Variants in ROR1 observed in about 807,000 individuals in gnomAD.
The protein encoded by ROR1 is inactive tyrosine-protein kinase transmembrane receptor ROR1.
Under a neutral mutation model 78.8 loss-of-function variants are expected in ROR1, and 19 were observed. That is an observed-to-expected ratio of 0.24 (90% CI 0.17 to 0.35). The LOEUF is 0.35. Ranked by LOEUF, ROR1 falls within the 10% of genes least tolerant of loss-of-function variation. ROR1 has a pLI of 1.00. For missense variants in ROR1, 917 were observed against 1,177.8 expected (o/e 0.78, Z 3.24); for synonymous variants, 386 against 433.6 (o/e 0.89, Z 1.36).
chr1:63,774,258 C>A lies in ROR1; in HGVS notation c.-160C>A. 2 of 312,488 alleles carry A rather than the reference C, an allele frequency of 6.4e-6. No homozygotes were observed. The highest frequency in any genetic ancestry group is 1.1e-3 in the Middle Eastern group (1 of 946). 19.4% of individuals were successfully genotyped at this position (312,488 alleles called of 1,614,324 possible). A position where few individuals can be genotyped will look rare whatever the true frequency, so the allele number is the denominator to read the frequency against. On this transcript the variant is annotated 5_prime_UTR_variant, in exon 1 of 9. Transcript: ENST00000371079. This position sits in a 1 kb window ranked among gnomAD's most constrained non-coding sequence, Gnocchi z 5.7. ...GCATCCAGAGGCGGCCAGGCGGAGG[C>A]GAGGGAGCAGGTTAGAGGGACAAAG...
At chr1:63,866,992 A>G (rs1428376316) in intron 1 of ROR1, among the ~76,000 whole-genome samples, 1 of 152,248 alleles carries the variant, frequency 6.6e-6, no homozygotes, top group African/African-American at 2.4e-5. Context: ...AGGCATAGTG[A>G]AAACCATTAT....
chr1:64,109,790 A>G (rs1648007477), intron 4 of ROR1, among the ~76,000 whole-genome samples: 1 of 152,094 alleles, frequency 6.6e-6, no homozygotes, highest in South Asian at 2.1e-4. Flanking sequence ...TGCCTTCCAA[A>G]GTGCTGGGAT....
chr1:63,933,276 C>T (rs549007899), intron 1 of ROR1, among the ~76,000 whole-genome samples: 22 of 152,220 alleles, frequency 1.4e-4, no homozygotes, highest in African/African-American at 3.4e-4. Flanking sequence ...TTTCACAGTG[C>T]GTTTCATTTC....
chr1:63,778,360 G>A (rs1176495585), intron 1 of ROR1, among the ~76,000 whole-genome samples: 2 of 152,162 alleles, frequency 1.3e-5, no homozygotes, highest in East Asian at 3.8e-4. Flanking sequence ...ACCTCTGAAC[G>A]ATAGGAACTG....
At chr1:63,776,167 T>G (rs1193236785) in intron 1 of ROR1, among the ~76,000 whole-genome samples, 2 of 152,232 alleles carry the variant, frequency 1.3e-5, no homozygotes, top group Admixed American at 6.5e-5. Context: ...ACTCCTTTAC[T>G]TTGTACTTCA....
intron 1 of ROR1, among the ~76,000 whole-genome samples, chr1:63,805,548 GA>G (rs1170124578): frequency 6.6e-6 from 1 of 152,240 alleles, no homozygotes; most frequent in Non-Finnish European, 1.5e-5. Context: ...GAGTGTAAGA[GA>G]GGAAAGAGGG....
chr1:64,173,763 AG>A (rs1215067392), intron 8 of ROR1, among the ~76,000 whole-genome samples: 5 of 152,210 alleles, frequency 3.3e-5, no homozygotes, highest in African/African-American at 1.2e-4. Flanking sequence ...GGCCATGTGT[AG>A]GGCTGATGCC....
intron 1 of ROR1, among the ~76,000 whole-genome samples, chr1:63,962,983 G>A (rs1646042139): frequency 6.6e-6 from 1 of 152,092 alleles, no homozygotes; most frequent in Non-Finnish European, 1.5e-5. Context: ...TGGAGAAGAA[G>A]GGACAGATAT....
At chr1:63,827,241 G>C (rs1429377266) in intron 1 of ROR1, among the ~76,000 whole-genome samples, 1 of 152,114 alleles carries the variant, frequency 6.6e-6, no homozygotes, top group African/African-American at 2.4e-5. Context: ...TAGGTAGTCT[G>C]TTTACTCTGT....
chr1:64,096,387 C>G (rs1647300361), intron 4 of ROR1, among the ~76,000 whole-genome samples: 1 of 152,070 alleles, frequency 6.6e-6, no homozygotes, highest in African/African-American at 2.4e-5. Context: ...TCTCCCTCCT[C>G]CCACTCTCCA....
intron 1 of ROR1, among the ~76,000 whole-genome samples, chr1:63,892,938 C>T (rs1645409592): frequency 6.6e-6 from 1 of 152,094 alleles, no homozygotes; most frequent in African/African-American, 2.4e-5. Flanking sequence ...CTTCAGTGGC[C>T]AGTGAAACTG....
chr1:63,835,916 A>G (rs1298086901), intron 1 of ROR1, among the ~76,000 whole-genome samples: 2 of 152,216 alleles, frequency 1.3e-5, no homozygotes, highest in African/African-American at 4.8e-5. Context: ...TTTAGGTTAA[A>G]GTAAAGCTGA....
intron 4 of ROR1, chr1:64,106,776 T>A (rs1647833526): frequency 4.6e-5 from 7 of 152,224 alleles, no homozygotes; most frequent in Admixed American, 3.9e-4. Context: ...TTGCATATGC[T>A]GAGCCAGCTT....
At chr1:64,110,413 GATAT>G (rs1648043088) in intron 4 of ROR1, among the ~76,000 whole-genome samples, 1 of 152,092 alleles carries the variant, frequency 6.6e-6, no homozygotes, top group South Asian at 2.1e-4. Context: ...CAGCCTATCA[GATAT>G]AGAGCTGGGT....
intron 4 of ROR1, among the ~76,000 whole-genome samples, chr1:64,083,545 C>T (rs1248849178): frequency 1.9e-5 from 2 of 107,786 alleles, no homozygotes; most frequent in African/African-American, 3.5e-5. Flanking sequence ...GTTTTAGGAA[C>T]ACCTAACCAT....
intron 1 of ROR1, among the ~76,000 whole-genome samples, chr1:63,893,440 G>A (rs1273104627): frequency 6.6e-6 from 1 of 152,130 alleles, no homozygotes; most frequent in Non-Finnish European, 1.5e-5. Context: ...ATTAAATTTG[G>A]CCTTGAAGAT....
At chr1:64,149,752 T>C (rs1394917067) in intron 7 of ROR1, among the ~76,000 whole-genome samples, 1 of 152,212 alleles carries the variant, frequency 6.6e-6, no homozygotes, top group African/African-American at 2.4e-5. Flanking sequence ...GGGTTGGGTG[T>C]AAACTAAATT....
chr1:63,822,185 C>T (rs1490925877), intron 1 of ROR1, among the ~76,000 whole-genome samples: 1 of 152,140 alleles, frequency 6.6e-6, no homozygotes, highest in East Asian at 1.9e-4. Context: ...AATGGAATCT[C>T]CATGAAGGCA....
intron 1 of ROR1, among the ~76,000 whole-genome samples, chr1:63,826,905 G>T (rs1644956961): frequency 6.6e-6 from 1 of 152,066 alleles, no homozygotes; most frequent in South Asian, 2.1e-4. Flanking sequence ...GATCAGTGAT[G>T]TTGAACTTTT....
Sources: allele counts gnomAD v4.1 joint callset (sites outside exome capture counted in the v4.1 genomes callset), GRCh38; gene constraint gnomAD v4.1.1; non-coding constraint Gnocchi (gnomAD v3.1); transcripts MANE v1.5; gene names NCBI Gene and HGNC (gene_info 2026-07-23, HGNC 2026-07-21).